Variants in CDH13 observed in about 807,000 individuals in gnomAD.
CDH13 encodes cadherin-13.
A neutral mutation model predicts 63.8 loss-of-function variants in CDH13; 24 were observed. That is an observed-to-expected ratio of 0.38 (90% CI 0.27 to 0.53). CDH13 has a LOEUF of 0.53. Among genes scored for constraint, CDH13 ranks in the 20% least tolerant of loss-of-function variants. CDH13 has a pLI of 0.85. For missense variants in CDH13, 1,049 were observed against 903.1 expected, an observed-to-expected ratio of 1.16 and a Z score of -2.07; for synonymous variants, 503 against 355.3, an observed-to-expected ratio of 1.42 and a Z score of -4.67.
chr16:83,739,478 A>T (rs955439430), intron 10 of CDH13, among the ~76,000 whole-genome samples: 1 of 152,168 alleles, frequency 6.6e-6, no homozygotes, highest in Non-Finnish European at 1.5e-5. Context: ...AGTTTTAACC[A>T]TTGAATATGA....
chr16:83,788,015 G>A (rs143219529), intron 13 of CDH13, among the ~76,000 whole-genome samples: 1 of 152,220 alleles, frequency 6.6e-6, no homozygotes, highest in Non-Finnish European at 1.5e-5. Flanking sequence ...TACTTCCTAT[G>A]TGATTGCAAA....
intron 7 of CDH13, among the ~76,000 whole-genome samples, chr16:83,525,888 A>AG (rs1227153067): frequency 6.6e-6 from 1 of 152,180 alleles, no homozygotes; most frequent in Non-Finnish European, 1.5e-5. Context: ...AAGACAGAGG[A>AG]GGGGCCACAA....
intron 6 of CDH13, among the ~76,000 whole-genome samples, chr16:83,438,358 C>T (rs145274704): frequency 4.7e-4 from 72 of 152,346 alleles, no homozygotes; most frequent in Middle Eastern, 3.4e-3. Flanking sequence ...CTAATGGCAC[C>T]AGGTGTATAT....
intron 2 of CDH13, among the ~76,000 whole-genome samples, chr16:82,992,881 G>T (rs1356866427): frequency 1.3e-5 from 2 of 152,114 alleles, no homozygotes; most frequent in Non-Finnish European, 2.9e-5. Context: ...TGAAGATGCT[G>T]GTTAGGCATG....
At chr16:82,932,931 A>G (rs915565707) in intron 2 of CDH13, among the ~76,000 whole-genome samples, 3 of 152,234 alleles carry the variant, frequency 2.0e-5, no homozygotes, top group African/African-American at 7.2e-5. Context: ...TTGGGAAGCC[A>G]TGATTTAGTA....
intron 7 of CDH13, among the ~76,000 whole-genome samples, chr16:83,532,013 G>A (rs2075094158): frequency 6.6e-6 from 1 of 152,118 alleles, no homozygotes; most frequent in African/African-American, 2.4e-5. Context: ...AATCATGGGG[G>A]CAGGTCTTTC....
intron 1 of CDH13, among the ~76,000 whole-genome samples, chr16:82,736,642 G>A (rs1406035929): frequency 2.0e-5 from 3 of 152,132 alleles, no homozygotes; most frequent in Admixed American, 1.3e-4. Flanking sequence ...GCTTAAATCT[G>A]TTCAAGTCTC....
At chr16:83,633,986 C>G (rs1033004026) in intron 8 of CDH13, among the ~76,000 whole-genome samples, 8 of 152,152 alleles carry the variant, frequency 5.3e-5, no homozygotes, top group Non-Finnish European at 1.0e-4. Context: ...CACCTTGAAC[C>G]CTTCTCTCAG....
chr16:83,560,170 A>G (rs183120787), intron 7 of CDH13, among the ~76,000 whole-genome samples: 97 of 152,342 alleles, frequency 6.4e-4, no homozygotes, highest in Non-Finnish European at 1.2e-3. Flanking sequence ...CAAGAACGAG[A>G]TAGGAGAGGT....
At chr16:82,959,706 GT>G (rs1906669873) in intron 2 of CDH13, among the ~76,000 whole-genome samples, 1 of 152,094 alleles carries the variant, frequency 6.6e-6, no homozygotes, top group Non-Finnish European at 1.5e-5. Flanking sequence ...ACCTGCATAG[GT>G]TCTGTTTGCC....
chr16:82,816,487 T>C (rs1261350838), intron 1 of CDH13, among the ~76,000 whole-genome samples: 1 of 152,106 alleles, frequency 6.6e-6, no homozygotes, highest in East Asian at 1.9e-4. Context: ...GGAGGAACAG[T>C]TGTAACTTCC....
At chr16:83,005,966 A>G (rs990597755) in intron 2 of CDH13, among the ~76,000 whole-genome samples, 3 of 152,192 alleles carry the variant, frequency 2.0e-5, no homozygotes, top group Admixed American at 1.3e-4. Context: ...CTTGTTTTTA[A>G]TGTTGCAAAA....
chr16:83,535,157 A>G (rs1017659133), intron 7 of CDH13, among the ~76,000 whole-genome samples: 6 of 152,256 alleles, frequency 3.9e-5, no homozygotes, highest in African/African-American at 1.2e-4. Flanking sequence ...AGACCAGAGC[A>G]TAAGGGGTGC....
intron 1 of CDH13, chr16:82,826,428 C>A (rs1214817886): frequency 2.0e-5 from 3 of 152,128 alleles, no homozygotes; most frequent in African/African-American, 4.8e-5. Context: ...CGAATTCAAT[C>A]CCAAACTTGA....
At chr16:83,102,441 C>T (rs1296910678) in intron 3 of CDH13, among the ~76,000 whole-genome samples, 1 of 152,162 alleles carries the variant, frequency 6.6e-6, no homozygotes, top group Non-Finnish European at 1.5e-5. Context: ...CTCCAGGATG[C>T]CAGTGTGCCT....
intron 10 of CDH13, among the ~76,000 whole-genome samples, chr16:83,695,151 G>A (rs1030145737): frequency 3.9e-5 from 6 of 152,242 alleles, no homozygotes; most frequent in African/African-American, 1.4e-4. Context: ...AGATTGCAGT[G>A]AGCCAAGATC....
At chr16:82,790,174 T>TGCCTC (rs1369180273) in intron 1 of CDH13, among the ~76,000 whole-genome samples, 7 of 152,106 alleles carry the variant, frequency 4.6e-5, no homozygotes, top group African/African-American at 1.7e-4. Context: ...CGGTATCTCA[T>TGCCTC]ACCTATAATC....
chr16:83,505,495 C>T (rs1402300780), intron 7 of CDH13, among the ~76,000 whole-genome samples: 1 of 148,480 alleles, frequency 6.7e-6, no homozygotes, highest in Non-Finnish European at 1.5e-5. Context: ...CAAAGGAGCA[C>T]AGTTCTTGTA....
chr16:83,537,543 G>T (rs2150641737), intron 7 of CDH13, among the ~76,000 whole-genome samples: 1 of 152,188 alleles, frequency 6.6e-6, no homozygotes, highest in East Asian at 1.9e-4. Context: ...GGAACCATTT[G>T]CTCACACTCT....
Sources: allele counts gnomAD v4.1 joint callset (sites outside exome capture counted in the v4.1 genomes callset), GRCh38; gene constraint gnomAD v4.1.1; transcripts MANE v1.5; gene names NCBI Gene and HGNC (gene_info 2026-07-23, HGNC 2026-07-21).